The following NPFFR2 variants were observed in gnomAD, a reference collection of about 807,000 sequenced individuals.
NPFFR2 encodes G-protein coupled receptor 74.
A neutral mutation model predicts 13.1 loss-of-function variants in NPFFR2; 15 were observed. The ratio of observed to expected loss-of-function variants is 1.15; its 90% CI spans 0.77 to 1.76. The LOEUF is 1.76. Among genes scored for constraint, NPFFR2 ranks in the 40% most tolerant of loss-of-function variants. NPFFR2 has a pLI of 0.00. For synonymous variants in NPFFR2, 190 were observed against 175.7 expected, an observed-to-expected ratio of 1.08 and a Z score of -0.65; for missense variants, 572 against 503.5, an observed-to-expected ratio of 1.14 and a Z score of -1.30.
chr4:72,090,949 C>T (rs910489473), intron 1 of NPFFR2, among the ~76,000 whole-genome samples: 3 of 152,108 alleles, frequency 2.0e-5, no homozygotes, highest in African/African-American at 7.2e-5. Context: ...ATAATGTTGG[C>T]TGTGGGTTTG....
At chr4:72,099,772 T>TA (rs1241100074) in intron 1 of NPFFR2, among the ~76,000 whole-genome samples, 2 of 151,298 alleles carry the variant, frequency 1.3e-5, no homozygotes, top group African/African-American at 4.9e-5. Context: ...AACCATTTCT[T>TA]AAAAAAAACT....
intron 1 of NPFFR2, among the ~76,000 whole-genome samples, chr4:72,060,228 G>A (rs1417718075): frequency 2.0e-5 from 3 of 152,020 alleles, no homozygotes; most frequent in Non-Finnish European, 4.4e-5. Context: ...AATAATCTCT[G>A]TGTGTCAGAC....
chr4:72,045,466 C>T (rs940756390), intron 1 of NPFFR2, among the ~76,000 whole-genome samples: 1 of 152,144 alleles, frequency 6.6e-6, no homozygotes, highest in Non-Finnish European at 1.5e-5. Context: ...TAGTGTGATA[C>T]TTTTGCCTTT....
chr4:72,079,132 A>G (rs187171669), intron 1 of NPFFR2, among the ~76,000 whole-genome samples: 59 of 151,768 alleles, frequency 3.9e-4, no homozygotes, highest in East Asian at 7.7e-4. Flanking sequence ...ATCAGTGTCA[A>G]ACTCCTGCTT....
chr4:72,131,976 ATTG>A (rs2109837636), intron 2 of NPFFR2, among the ~76,000 whole-genome samples: 1 of 152,224 alleles, frequency 6.6e-6, no homozygotes, highest in South Asian at 2.1e-4. Flanking sequence ...ATTGATAATT[ATTG>A]TTATCACTCC....
chr4:72,137,773 G>A (rs1722462884), intron 2 of NPFFR2, among the ~76,000 whole-genome samples: 1 of 152,296 alleles, frequency 6.6e-6, no homozygotes, highest in Middle Eastern at 3.4e-3. Context: ...TCAAAAGCCT[G>A]TTGTGAGGAT....
Position 72,136,665 on chromosome 4 carries a change from A to G in NPFFR2, c.329-1375A>G, listed in dbSNP as rs1239239572. ...TGTAGGGCTGGCTGTTACATTCCAC[A>G]TTGCCATGCAGTGCAGCGGTATACT... On this transcript the variant is annotated intron_variant, in intron 2 of 3. Transcript: ENST00000308744. Among the ~76,000 whole-genome samples the G allele has an allele frequency of 2.6e-5, 4 of 152,162 alleles. No individual in the cohort carries two copies. In the East Asian group the frequency reaches 7.7e-4, roughly 29 times the overall value.
intron 1 of NPFFR2, among the ~76,000 whole-genome samples, chr4:72,078,921 T>A (rs1720519770): frequency 6.6e-6 from 1 of 152,084 alleles, no homozygotes; most frequent in African/African-American, 2.4e-5. Context: ...GTTGCCAGGT[T>A]TATGGAAGTT....
At chr4:72,076,527 G>T (rs1260737330) in intron 1 of NPFFR2, among the ~76,000 whole-genome samples, 1 of 152,212 alleles carries the variant, frequency 6.6e-6, no homozygotes, top group African/African-American at 2.4e-5. Context: ...GATTTGATAT[G>T]AAAATAAGCC....
chr4:72,068,960 C>T (rs748673148), intron 1 of NPFFR2: 22 of 1,423,202 alleles, frequency 1.5e-5, no homozygotes, highest in South Asian at 4.2e-5. Flanking sequence ...TTTTGACATA[C>T]AAGAAACATC....
rs1388308722 is a variant in NPFFR2 at position 72,147,469 on chromosome 4, T to G, written c.920T>G (p.Leu307Arg). Residue 307 changes from leucine (L) to arginine (R), a missense_variant, in exon 4 of 4, where the codon CTG becomes CGG. By Grantham distance (102) the Leu-to-Arg change is moderately radical (BLOSUM62 -2). Coordinates refer to ENST00000308744, the MANE Select transcript of NPFFR2 (RefSeq NM_004885.3). Reference sequence around the variant, plus strand: ...TACGCTGACCTTTCTCCAAATGAACTGCAGATCATCAACATCTACATCTAC... The same window carrying G: ...TACGCTGACCTTTCTCCAAATGAACGGCAGATCATCAACATCTACATCTAC... ...SDYADLSPNELQIINIYIYPF... is the reference protein window; with the variant it reads ...SDYADLSPNERQIINIYIYPF... The G allele has an allele frequency of 1.9e-6, 3 of 1,614,208 alleles. No individual in the cohort carries two copies. The highest frequency in any genetic ancestry group is 1.6e-4 in the Middle Eastern group (1 of 6,062).
chr4:72,048,739 CT>C (rs5859298), intron 1 of NPFFR2, among the ~76,000 whole-genome samples: 134,673 of 151,282 alleles, frequency 0.89, 61,036 homozygotes, highest in Non-Finnish European at 0.98. Context: ...AATAACTTAT[CT>C]TTTTTTTTCA....
At chr4:72,043,124 C>A (rs951071047) in intron 1 of NPFFR2, among the ~76,000 whole-genome samples, 1 of 152,146 alleles carries the variant, frequency 6.6e-6, no homozygotes, top group Non-Finnish European at 1.5e-5. Flanking sequence ...AATTCCCAAT[C>A]CTTGGTAGCT....
In NPFFR2 at chr4:72,032,836, ATCT is replaced by A. The variant is rs367733395; in HGVS notation, c.-8+642_-8+644del. 5.7e-3 allele frequency among the ~76,000 whole-genome samples: 875 copies of A among 152,338 alleles called. 11 individuals are homozygous for A. The highest frequency in any genetic ancestry group is 0.02 in the African/African-American group (833 of 41,580). On this transcript the variant is annotated intron_variant, in intron 1 of 3. Coordinates refer to ENST00000308744, the MANE Select transcript of NPFFR2 (RefSeq NM_004885.3). ...TTAGGGTCTGGAGGAGAGGAAAATG[ATCT>A]TCTTCAAGCTGTCGTTCTAGTTAAA...
chr4:72,126,228 A>C (rs892651008), intron 1 of NPFFR2, among the ~76,000 whole-genome samples: 3 of 152,220 alleles, frequency 2.0e-5, no homozygotes, highest in African/African-American at 7.2e-5. Context: ...AAAAGTTACA[A>C]TTTTAACTTT....
chr4:72,143,440 G>A (rs547559508), intron 3 of NPFFR2, among the ~76,000 whole-genome samples: 3 of 152,138 alleles, frequency 2.0e-5, no homozygotes, highest in African/African-American at 7.2e-5. Flanking sequence ...AATGAGTCAG[G>A]GAAAAAAGGG....
chr4:72,143,215 G>A (rs953616953), intron 3 of NPFFR2, among the ~76,000 whole-genome samples: 2 of 152,196 alleles, frequency 1.3e-5, no homozygotes, highest in African/African-American at 4.8e-5. Flanking sequence ...TCCACAAAGA[G>A]AGAGATTTAT....
chr4:72,113,763 G>GT (rs1435296556), intron 1 of NPFFR2, among the ~76,000 whole-genome samples: 1 of 152,050 alleles, frequency 6.6e-6, no homozygotes, highest in Non-Finnish European at 1.5e-5. Flanking sequence ...GAGTAGACCA[G>GT]TTCCCTGGCA....
intron 1 of NPFFR2, among the ~76,000 whole-genome samples, chr4:72,038,421 A>G (rs1560390450): frequency 6.6e-6 from 1 of 152,190 alleles, no homozygotes; most frequent in East Asian, 1.9e-4. Flanking sequence ...TACTCAGAAA[A>G]TATTTGTTCT....
Sources: allele counts gnomAD v4.1 joint callset (sites outside exome capture counted in the v4.1 genomes callset), GRCh38; gene constraint gnomAD v4.1.1; transcripts MANE v1.5; gene names NCBI Gene and HGNC (gene_info 2026-07-23, HGNC 2026-07-21).